Variants in CHD6 observed in about 807,000 individuals in gnomAD.
The protein encoded by CHD6 is chromodomain helicase DNA binding protein 6.
A neutral mutation model predicts 276.9 loss-of-function variants in CHD6; 50 were observed. The observed-to-expected ratio is 0.18, with a 90% CI of 0.14 to 0.23. CHD6 has a LOEUF of 0.23. Among genes scored for constraint, CHD6 ranks in the 10% least tolerant of loss-of-function variants. CHD6 has a pLI of 1.00. For missense variants in CHD6, 2,564 were observed against 3,365.8 expected (o/e 0.76, Z 5.89); for synonymous variants, 1,173 against 1,229.3 (o/e 0.95, Z 0.96).
chr20:41,545,264 C>A lies in CHD6; in HGVS notation c.33+6041G>T, dbSNP rs75591427. Among the ~76,000 whole-genome samples the A allele has an allele frequency of 4.5e-3, 684 of 152,212 alleles. 5 individuals are homozygous for A. Among genetic ancestry groups the A allele is most frequent in the African/African-American group, 0.016 (654 of 41,548 alleles). ...CCACAGCTCACATGAAATAAATCAG[C>A]GTTATTTTGCCATCTCAGTGACTTT... On this transcript the variant is annotated intron_variant, in intron 2 of 36. Coordinates refer to ENST00000373233, the MANE Select transcript of CHD6 (RefSeq NM_032221.5).
At chr20:41,436,383 C>T (rs1040614750) in intron 27 of CHD6, among the ~76,000 whole-genome samples, 1 of 152,138 alleles carries the variant, frequency 6.6e-6, no homozygotes, top group African/African-American at 2.4e-5. Context: ...ATGGAGAATA[C>T]AGAGAAAGCG....
chr20:41,513,936 C>T (rs1294804645), intron 4 of CHD6, among the ~76,000 whole-genome samples: 1 of 152,182 alleles, frequency 6.6e-6, no homozygotes, highest in Non-Finnish European at 1.5e-5. Flanking sequence ...ATACAGATCA[C>T]CATTCTACAA....
chr20:41,444,878 T>C (rs2048016667), intron 25 of CHD6, among the ~76,000 whole-genome samples: 1 of 152,210 alleles, frequency 6.6e-6, no homozygotes, highest in African/African-American at 2.4e-5. Context: ...TTTTAGTAAG[T>C]AGTGGAGTTG....
chr20:41,593,752 T>C (rs573054254), intron 1 of CHD6, among the ~76,000 whole-genome samples: 4 of 152,190 alleles, frequency 2.6e-5, no homozygotes, highest in African/African-American at 9.6e-5. Flanking sequence ...ATGACTGGTA[T>C]CCTTACAAAA....
intron 1 of CHD6, among the ~76,000 whole-genome samples, chr20:41,558,470 T>G (rs934467737): frequency 2.0e-5 from 3 of 152,230 alleles, no homozygotes; most frequent in African/African-American, 7.2e-5. Context: ...GAAGAAGACG[T>G]AAATGACGAA....
At chr20:41,512,781 A>T in intron 5 of CHD6, 65 bp downstream of exon 5, 15 of 1,580,788 alleles carry the variant, frequency 9.5e-6, no homozygotes, top group Non-Finnish European at 1.3e-5. Context: ...GCCAAGAAAC[A>T]CGTCTGTCAT....
chr20:41,429,502 T>C (rs554916840), intron 27 of CHD6, among the ~76,000 whole-genome samples: 1 of 152,096 alleles, frequency 6.6e-6, no homozygotes, highest in South Asian at 2.1e-4. Context: ...ACAACAACCA[T>C]AGTGTGCTCT....
intron 20 of CHD6, among the ~76,000 whole-genome samples, chr20:41,454,065 A>C (rs1257931845): frequency 1.3e-5 from 2 of 152,214 alleles, no homozygotes; most frequent in Non-Finnish European, 2.9e-5. Context: ...AGTTATACCC[A>C]CAAATGTTAC....
chr20:41,493,362 G>C (rs1275593344), intron 10 of CHD6, among the ~76,000 whole-genome samples, 176 bp downstream of exon 10: 3 of 152,068 alleles, frequency 2.0e-5, no homozygotes, highest in African/African-American at 7.2e-5. Context: ...GGTGACAAGG[G>C]CGCTGGGAAA....
chr20:41,560,137 ACCC>A (rs2045286025), intron 1 of CHD6, among the ~76,000 whole-genome samples: 1 of 151,584 alleles, frequency 6.6e-6, no homozygotes, highest in African/African-American at 2.4e-5. Flanking sequence ...TCCTACCCTC[ACCC>A]CCATCACCCT....
rs1435482998 is a variant in CHD6 at position 41,514,822 on chromosome 20, C to G, written c.685G>C (p.Glu229Gln). The G allele has an allele frequency of 2.7e-5, 44 of 1,613,978 alleles. No individual in the cohort carries two copies. The highest frequency in any genetic ancestry group is 3.7e-5 in the Non-Finnish European group (44 of 1,179,922). The change falls in exon 4 of 37, where the codon GAG (glutamate) becomes CAG (glutamine). Residue 229 changes from glutamate to glutamine, a missense_variant. Physicochemically the swap from Glu to Gln is conservative, Grantham distance 29 (BLOSUM62 2). Transcript: ENST00000373233. ...PSLRSPEEST[E>Q]STDSQKRRSG... Reference sequence around the variant, plus strand: ...AGCTGTACCTGGCTGTCTGTAGACTCAGTGGACTCCTCAGGACTCCGCAGA... The same window carrying G: ...AGCTGTACCTGGCTGTCTGTAGACTGAGTGGACTCCTCAGGACTCCGCAGA...
intron 1 of CHD6, among the ~76,000 whole-genome samples, chr20:41,575,896 G>A (rs1303248187): frequency 6.6e-6 from 1 of 151,960 alleles, no homozygotes; most frequent in Non-Finnish European, 1.5e-5. Context: ...AAGATGCTAT[G>A]CCATAAAATC....
At chr20:41,550,253 C>T (rs1025828433) in intron 2 of CHD6, among the ~76,000 whole-genome samples, 13 of 152,194 alleles carry the variant, frequency 8.5e-5, no homozygotes, top group Non-Finnish European at 1.3e-4. Flanking sequence ...CACAGTTTTG[C>T]ACACCTGAGT....
intron 5 of CHD6, among the ~76,000 whole-genome samples, chr20:41,509,114 G>A (rs2044050218): frequency 6.6e-6 from 1 of 152,070 alleles, no homozygotes; most frequent in Non-Finnish European, 1.5e-5. Flanking sequence ...GAACAATCAG[G>A]AGTGATCATC....
In CHD6 at chr20:41,487,706, C is replaced by T. The variant is rs773310573; in HGVS notation, c.1960G>A (p.Ala654Thr). 51 of 1,610,858 alleles carry T rather than the reference C, an allele frequency of 3.2e-5. No homozygotes were observed. The East Asian group carries it at 4.5e-4, about 14-fold the overall frequency. Residue 654 changes from alanine (A) to threonine (T), a missense_variant, in exon 14 of 37, where the codon GCT (alanine) becomes ACT (threonine). Ala to Thr is a moderately conservative substitution (Grantham distance 58). This residue lies in a region of CHD6 where 457 missense variants were observed against 889.0 expected (regional missense o/e 0.51). Coordinates refer to ENST00000373233, the MANE Select transcript of CHD6 (RefSeq NM_032221.5). ...LEPSQFPSET[A>T]FLEEFGDLKT... ...AGATCTCCAAATTCCTCCAAGAAAGCGGTCTCTGAAGGAAACTGTGATGGC... is the reference window on the plus strand; with the variant it reads ...AGATCTCCAAATTCCTCCAAGAAAGTGGTCTCTGAAGGAAACTGTGATGGC...
intron 17 of CHD6, among the ~76,000 whole-genome samples, chr20:41,460,798 A>G (rs940890260): frequency 6.6e-6 from 1 of 152,190 alleles, no homozygotes; most frequent in Admixed American, 6.5e-5. Flanking sequence ...CAGAGTCCCT[A>G]CTTGGTCACT....
intron 3 of CHD6, among the ~76,000 whole-genome samples, chr20:41,527,445 G>T (rs2044569413): frequency 1.3e-5 from 2 of 151,934 alleles, no homozygotes; most frequent in Admixed American, 1.3e-4. Flanking sequence ...GCAACCTTCA[G>T]CTCAGTCAAA....
At chr20:41,428,207 T>C (rs902872414) in intron 27 of CHD6, among the ~76,000 whole-genome samples, 2 of 152,214 alleles carry the variant, frequency 1.3e-5, no homozygotes, top group African/African-American at 4.8e-5. Flanking sequence ...GTTTTTCTGT[T>C]CCTGTCCTCT....
rs142544909 is a variant in CHD6 at position 41,452,201 on chromosome 20, C to T, written c.3324-176G>A. ...TGAGGACCACCTGACTGTAGCACAC[C>T]GAATATCACTAAAGTGACCTGGACG... On this transcript the variant is annotated intron_variant, in intron 21 of 36. Transcript: ENST00000373233. This position sits in a 1 kb window ranked among gnomAD's most constrained non-coding sequence, Gnocchi z 4.2. Among the ~76,000 whole-genome samples the T allele has an allele frequency of 4.4e-3, 665 of 152,234 alleles. 4 individuals are homozygous for T. The highest frequency in any genetic ancestry group is 0.015 in the African/African-American group (617 of 41,516).
Sources: gnomAD v4.1 joint callset for allele counts (sites outside exome capture counted in the v4.1 genomes callset) on GRCh38, gnomAD v4.1.1 for gene constraint, gnomAD v4.1.1 regional missense constraint, Gnocchi (gnomAD v3.1) non-coding constraint, MANE v1.5 for transcripts, NCBI Gene and HGNC (gene_info 2026-07-23, HGNC 2026-07-21) for gene names.